The following IAH1 variants were observed in gnomAD, a reference collection of about 807,000 sequenced individuals.
IAH1 encodes the protein isoamyl acetate-hydrolyzing esterase 1 homolog.
In IAH1, 24 loss-of-function variants were observed where a neutral mutation model predicts 26.7. The ratio of observed to expected loss-of-function variants is 0.90; its 90% CI spans 0.65 to 1.26. The LOEUF (loss-of-function observed/expected upper bound fraction) is 1.26, where lower values mean the gene tolerates loss of function less well. Ranked by LOEUF, IAH1 falls within the 50% of genes most tolerant of loss-of-function variation. The pLI is 0.00. For missense variants in IAH1, 300 were observed against 299.9 expected (o/e 1.00, Z 0.00); for synonymous variants, 140 against 118.5 (o/e 1.18, Z -1.18).
At chr2:9,478,127 A>G in intron 2 of IAH1, 95 bp from the exon 3 acceptor site, 1 of 1,131,556 alleles carries the variant, frequency 8.8e-7, no homozygotes, top group East Asian at 2.6e-5. Context: ...TGACGGGTTT[A>G]GAATCCCAGA....
chr2:9,490,308 A>AG (rs779871088), downstream of IAH1: 4 of 1,614,162 alleles, frequency 2.5e-6, no homozygotes, highest in East Asian at 6.7e-5. Flanking sequence ...CTATTTGGGA[A>AG]GGGGTCCTTC....
chr2:9,478,565 G>T (rs549762056), intron 3 of IAH1, among the ~76,000 whole-genome samples, 195 bp downstream of exon 3: 63 of 152,232 alleles, frequency 4.1e-4, no homozygotes, highest in African/African-American at 1.5e-3. Flanking sequence ...TACATACCTT[G>T]GTTGCTGGCA....
At chr2:9,492,801 T>C (rs1662270545), downstream of IAH1, 1 of 1,051,836 alleles carries the variant, frequency 9.5e-7, no homozygotes. Flanking sequence ...AGGCCAAACT[T>C]TGCTAAGAAC....
At chr2:9,497,029 G>A (rs1016864443), downstream of IAH1, 20 of 1,551,812 alleles carry the variant, frequency 1.3e-5, no homozygotes, top group South Asian at 3.7e-5. Flanking sequence ...GCTGTCATTC[G>A]CACAACCTCC....
At chr2:9,478,500 G>T in intron 3 of IAH1, 130 bp downstream of exon 3, 3 of 816,610 alleles carry the variant, frequency 3.7e-6, no homozygotes, top group Non-Finnish European at 3.7e-6. Context: ...AACTTATGTT[G>T]TTTATATGTA....
intron 3 of IAH1, among the ~76,000 whole-genome samples, chr2:9,479,315 C>T (rs1326597058): frequency 2.0e-5 from 3 of 151,842 alleles, no homozygotes; most frequent in African/African-American, 7.3e-5. Flanking sequence ...GAGGAAGCCA[C>T]AGAGGAAAAA....
At chr2:9,488,089 G>C in intron 5 of IAH1, 58 bp from the exon 6 acceptor site, 1 of 1,165,614 alleles carries the variant, frequency 8.6e-7, no homozygotes, top group South Asian at 1.6e-5. Flanking sequence ...GGAATGACAG[G>C]GGTGAGCTAC....
chr2:9,480,754 T>G (rs1661121470), intron 3 of IAH1: 2 of 152,786 alleles, frequency 1.3e-5, no homozygotes, highest in South Asian at 2.1e-4. Context: ...AAAATACTCC[T>G]TTGCAATAAT....
intron 1 of IAH1, chr2:9,475,224 A>T: frequency 3.9e-6 from 5 of 1,287,336 alleles, no homozygotes; most frequent in Non-Finnish European, 4.1e-6. Flanking sequence ...GCAGGTTCTT[A>T]CTTCGGGGAG....
At chr2:9,491,149 A>C, downstream of IAH1, 1 of 1,612,764 alleles carries the variant, frequency 6.2e-7, no homozygotes, top group Non-Finnish European at 8.5e-7. Context: ...CCAATTTCTT[A>C]TCCTAGAAAG....
chr2:9,484,775 G>T, intron 5 of IAH1: 1 of 496,442 alleles, frequency 2.0e-6, no homozygotes, highest in South Asian at 2.6e-5. Context: ...GAGTTAGTGC[G>T]CAGTGACATC....
the IAH1 span, among the ~76,000 whole-genome samples, chr2:9,511,301 T>G: frequency 6.6e-6 from 1 of 151,890 alleles, no homozygotes; most frequent in Admixed American, 6.6e-5. Context: ...ATACAAAAAA[T>G]TAGCTGGGTG....
intron 3 of IAH1, chr2:9,480,748 T>A (rs1303913207): frequency 6.6e-6 from 1 of 152,668 alleles, no homozygotes; most frequent in African/African-American, 2.4e-5. Flanking sequence ...ATCTAGAAAA[T>A]ACTCCTTTGC....
downstream of IAH1, chr2:9,493,699 A>C: frequency 6.6e-7 from 1 of 1,515,238 alleles, no homozygotes; most frequent in Non-Finnish European, 9.2e-7. Context: ...TAATGTCATC[A>C]CAGAAATTGA....
chr2:9,501,164 G>C (rs1462061757), downstream of IAH1, among the ~76,000 whole-genome samples: 1 of 152,020 alleles, frequency 6.6e-6, no homozygotes, highest in Non-Finnish European at 1.5e-5. Flanking sequence ...ATATGAACTG[G>C]CTATTCACAG....
At chr2:9,509,296 G>T in the IAH1 span, among the ~76,000 whole-genome samples, 13 of 152,168 alleles carry the variant, frequency 8.5e-5, no homozygotes, top group Non-Finnish European at 1.3e-4. Context: ...GAAAGAACCA[G>T]ATATTTATTA....
intron 3 of IAH1, among the ~76,000 whole-genome samples, chr2:9,479,414 G>A (rs1661024572): frequency 6.6e-6 from 1 of 152,182 alleles, no homozygotes; most frequent in South Asian, 2.1e-4. Context: ...GCAGACAAGA[G>A]AGTAATGTCT....
chr2:9,485,664 G>GGC (rs1375636285), intron 5 of IAH1: 2 of 147,542 alleles, frequency 1.4e-5, no homozygotes, highest in African/African-American at 5.0e-5. Context: ...CCCAAAAAAA[G>GGC]GCAAGACTGC....
chr2:9,478,429 A>C, intron 3 of IAH1, 59 bp downstream of exon 3: 1 of 1,455,292 alleles, frequency 6.9e-7, no homozygotes, highest in African/African-American at 1.4e-5. Flanking sequence ...GTTACAGCAA[A>C]CTTGCATTTA....
Sources: gnomAD v4.1 joint callset for allele counts (sites outside exome capture counted in the v4.1 genomes callset) on GRCh38, gnomAD v4.1.1 for gene constraint, MANE v1.5 for transcripts, NCBI Gene and HGNC (gene_info 2026-07-23, HGNC 2026-07-21) for gene names.